The following NUMB variants were observed in gnomAD, a reference collection of about 807,000 sequenced individuals.
NUMB encodes the protein protein numb homolog.
NUMB carries 29 observed loss-of-function variants against 59.7 expected under a neutral mutation model. The ratio of observed to expected loss-of-function variants is 0.49; its 90% CI spans 0.36 to 0.66. The LOEUF is 0.66. Ranked by LOEUF, NUMB falls within the 30% of genes least tolerant of loss-of-function variation. NUMB has a pLI of 0.00. For synonymous variants in NUMB, 288 were observed against 288.2 expected, an observed-to-expected ratio of 1.00 and a Z score of 0.01; for missense variants, 723 against 822.0, an observed-to-expected ratio of 0.88 and a Z score of 1.47.
chr14:73,406,090 TTG>T (rs916993325), intron 2 of NUMB, among the ~76,000 whole-genome samples: 4 of 61,154 alleles, frequency 6.5e-5, no homozygotes, highest in Admixed American at 3.8e-4. Context: ...TAACATATTT[TTG>T]TTTTTTTTTT....
chr14:73,327,395 T>A (rs976831426), intron 4 of NUMB, among the ~76,000 whole-genome samples: 2 of 152,174 alleles, frequency 1.3e-5, no homozygotes, highest in Non-Finnish European at 2.9e-5. Flanking sequence ...TAGCTGGGAC[T>A]ACAGGCGTGT....
At chr14:73,277,367 G>A (rs1594850724) in intron 12 of NUMB, 74 bp from the exon 13 acceptor site, 3 of 1,191,002 alleles carry the variant, frequency 2.5e-6, no homozygotes, top group South Asian at 1.5e-5. Context: ...TTGGTTATTT[G>A]AATGATCCTA....
At position 73,326,845 on chromosome 14, in the gene NUMB, G is replaced by A. The variant is rs568017673; in HGVS notation, c.127-3641C>T. ...GTCTAACCTAATAACTACTCAGAAA[G>A]GTATGTTTGATCACTTGATTTTAAA... On this transcript the variant is annotated intron_variant, in intron 4 of 12. Coordinates refer to ENST00000555238, the MANE Select transcript of NUMB (RefSeq NM_001005743.2). Among the ~76,000 whole-genome samples the A allele has an allele frequency of 6.6e-5, 10 of 152,182 alleles. No homozygotes were observed. In the South Asian group the frequency reaches 2.1e-3, roughly 32 times the overall value.
chr14:73,445,436 G>A (rs1217213177), intron 1 of NUMB, among the ~76,000 whole-genome samples: 9 of 133,192 alleles, frequency 6.8e-5, no homozygotes, highest in East Asian at 2.7e-4. Context: ...AAAGATTCAC[G>A]TTTTTCCAGA....
chr14:73,374,149 C>T (rs1251077073), intron 2 of NUMB, among the ~76,000 whole-genome samples: 1 of 152,170 alleles, frequency 6.6e-6, no homozygotes, highest in Non-Finnish European at 1.5e-5. Flanking sequence ...GGATTATAGG[C>T]GTGAGCCACC....
At chr14:73,306,522 T>TTGAATGAA (rs143683908) in intron 6 of NUMB, among the ~76,000 whole-genome samples, 1 of 152,112 alleles carries the variant, frequency 6.6e-6, no homozygotes, top group Non-Finnish European at 1.5e-5. Context: ...CACCCCTAGG[T>TTGAATGAA]TGAATGAATG....
intron 1 of NUMB, among the ~76,000 whole-genome samples, chr14:73,426,987 C>A (rs1365786853): frequency 6.6e-6 from 1 of 151,990 alleles, no homozygotes; most frequent in Non-Finnish European, 1.5e-5. Flanking sequence ...GTACCGCAGT[C>A]CAGTCTGGGC....
intron 1 of NUMB, among the ~76,000 whole-genome samples, chr14:73,426,659 T>G (rs1276186134): frequency 6.6e-6 from 1 of 151,958 alleles, no homozygotes; most frequent in Non-Finnish European, 1.5e-5. Flanking sequence ...ACTGCCTGAC[T>G]AATATGGTGA....
At chr14:73,303,764 A>G (rs1198107055) in intron 6 of NUMB, among the ~76,000 whole-genome samples, 1 of 141,578 alleles carries the variant, frequency 7.1e-6, no homozygotes, top group Non-Finnish European at 1.5e-5. Context: ...ATCATGAAAA[A>G]GTTTCACAAT....
intron 1 of NUMB, chr14:73,458,162 A>C (rs1354854407): frequency 6.6e-5 from 10 of 152,518 alleles, no homozygotes; most frequent in African/African-American, 2.2e-4. Flanking sequence ...TTCCTCAGAT[A>C]CCTACTCCTC....
intron 2 of NUMB, among the ~76,000 whole-genome samples, chr14:73,405,435 C>CTTT (rs56778084): frequency 4.4e-4 from 56 of 127,422 alleles, no homozygotes; most frequent in African/African-American, 6.4e-4. Context: ...TTTTCTTTCT[C>CTTT]TTTTTTTTTT....
intron 4 of NUMB, among the ~76,000 whole-genome samples, chr14:73,349,706 C>T (rs756925920): frequency 2.0e-5 from 3 of 151,970 alleles, no homozygotes; most frequent in Non-Finnish European, 2.9e-5. Context: ...GGTGAAACCC[C>T]GTCTCTACTA....
intron 7 of NUMB, among the ~76,000 whole-genome samples, chr14:73,294,058 T>C: frequency 6.6e-6 from 1 of 152,232 alleles, no homozygotes; most frequent in East Asian, 1.9e-4. Context: ...GCTGAGTAAC[T>C]GCATTGTAGT....
chr14:73,423,425 G>A (rs925413720), intron 1 of NUMB, among the ~76,000 whole-genome samples: 1 of 151,692 alleles, frequency 6.6e-6, no homozygotes, highest in African/African-American at 2.4e-5. Context: ...GATCACCTGA[G>A]GTCAGGAGTT....
chr14:73,403,864 G>A (rs915441916), intron 2 of NUMB, among the ~76,000 whole-genome samples: 1 of 151,998 alleles, frequency 6.6e-6, no homozygotes, highest in African/African-American at 2.4e-5. Context: ...GGAGGCCGAG[G>A]CGGGCGGATC....
At chr14:73,385,576 A>C (rs1318880399) in intron 2 of NUMB, among the ~76,000 whole-genome samples, 6 of 131,692 alleles carry the variant, frequency 4.6e-5, no homozygotes, top group African/African-American at 1.8e-4. Flanking sequence ...ATCTCAGCTC[A>C]CGGTAACCTC....
intron 1 of NUMB, among the ~76,000 whole-genome samples, chr14:73,417,975 T>C (rs1897202144): frequency 6.6e-6 from 1 of 151,852 alleles, no homozygotes; most frequent in Non-Finnish European, 1.5e-5. Flanking sequence ...CATGGTGGCA[T>C]GCGCCTGTAA....
chr14:73,285,977 C>G (rs774438154), intron 9 of NUMB, among the ~76,000 whole-genome samples: 1 of 149,974 alleles, frequency 6.7e-6, no homozygotes, highest in African/African-American at 2.4e-5. Context: ...ACAAAAATGA[C>G]TAGTTTAGAA....
At chr14:73,429,451 GCCTTTTAAGTCTGA>G (rs1897731153) in intron 1 of NUMB, among the ~76,000 whole-genome samples, 1 of 152,128 alleles carries the variant, frequency 6.6e-6, no homozygotes, top group Admixed American at 6.5e-5. Flanking sequence ...ACAGTATGTG[GCCTTTTAAGTCTGA>G]CTTCCTTCAT....
Sources: allele counts gnomAD v4.1 joint callset (sites outside exome capture counted in the v4.1 genomes callset), GRCh38; gene constraint gnomAD v4.1.1; transcripts MANE v1.5; gene names NCBI Gene and HGNC (gene_info 2026-07-23, HGNC 2026-07-21).